The following ASPRV1 variants were observed in gnomAD, a reference collection of about 807,000 sequenced individuals.
The protein encoded by ASPRV1 is retroviral-like aspartic protease 1.
ASPRV1 carries 7 observed loss-of-function variants against 11.0 expected under a neutral mutation model. That is an observed-to-expected ratio of 0.64 (90% CI 0.36 to 1.20). ASPRV1 has a LOEUF of 1.20. Among genes scored for constraint, ASPRV1 ranks in the 50% most tolerant of loss-of-function variants. The pLI is 0.02. For missense variants in ASPRV1, 299 were observed against 320.0 expected (o/e 0.93, Z 0.50); for synonymous variants, 136 against 138.4 (o/e 0.98, Z 0.12).
At chr2:69,998,596 G>A in the ASPRV1 span, among the ~76,000 whole-genome samples, 1 of 152,136 alleles carries the variant, frequency 6.6e-6, no homozygotes, top group Non-Finnish European at 1.5e-5. Flanking sequence ...GGGCACGGTG[G>A]TGGGCGCCTG....
At chr2:70,036,616 TA>T in the ASPRV1 span, among the ~76,000 whole-genome samples, 3 of 152,122 alleles carry the variant, frequency 2.0e-5, no homozygotes, top group African/African-American at 7.2e-5. Flanking sequence ...AGTAATAATC[TA>T]AAACACACAG....
the ASPRV1 span, chr2:70,050,738 C>T: frequency 6.6e-6 from 1 of 152,116 alleles, no homozygotes; most frequent in East Asian, 1.9e-4. Flanking sequence ...GCACTTCAGG[C>T]CAAAGCTCAA....
the ASPRV1 span, among the ~76,000 whole-genome samples, chr2:69,953,698 T>C: frequency 7.2e-6 from 1 of 139,816 alleles, no homozygotes; most frequent in African/African-American, 2.9e-5. Flanking sequence ...TTAATTTTCT[T>C]TTTTTTTCTT....
chr2:69,963,056 C>T, upstream of ASPRV1: 1 of 351,136 alleles, frequency 2.8e-6, no homozygotes, highest in Non-Finnish European at 5.7e-6. Context: ...TCACCCAGTG[C>T]CTGGCGGAAT....
At chr2:70,070,008 A>G in the ASPRV1 span, among the ~76,000 whole-genome samples, 3 of 152,072 alleles carry the variant, frequency 2.0e-5, no homozygotes, top group Non-Finnish European at 4.4e-5. Flanking sequence ...GCGAAACCTC[A>G]TCTCTACTAA....
downstream of ASPRV1, among the ~76,000 whole-genome samples, chr2:69,955,651 T>C (rs190031175): frequency 1.3e-5 from 2 of 152,282 alleles, no homozygotes; most frequent in African/African-American, 4.8e-5. Context: ...TACGATCCTT[T>C]TGTAGCTTGT....
At chr2:70,048,220 C>T in the ASPRV1 span, among the ~76,000 whole-genome samples, 1 of 150,084 alleles carries the variant, frequency 6.7e-6, no homozygotes, top group South Asian at 2.1e-4. Context: ...TCGAGACCAT[C>T]CTGGCTAACA....
chr2:70,040,535 T>C, the ASPRV1 span, among the ~76,000 whole-genome samples: 2 of 152,100 alleles, frequency 1.3e-5, no homozygotes, highest in South Asian at 4.1e-4. Context: ...TATAAGCCAA[T>C]TAATACTTAG....
At chr2:70,067,757 T>G in the ASPRV1 span, among the ~76,000 whole-genome samples, 1 of 152,302 alleles carries the variant, frequency 6.6e-6, no homozygotes, top group African/African-American at 2.4e-5. Flanking sequence ...GCAGGTACAT[T>G]CCAAATCACC....
chr2:69,946,401 C>A, the ASPRV1 span, among the ~76,000 whole-genome samples: 1 of 152,280 alleles, frequency 6.6e-6, no homozygotes, highest in South Asian at 2.1e-4. Context: ...TGACCCCAGG[C>A]AAGTATCTGG....
chr2:70,012,799 T>C, the ASPRV1 span, among the ~76,000 whole-genome samples: 2 of 152,246 alleles, frequency 1.3e-5, no homozygotes, highest in Admixed American at 1.3e-4. Flanking sequence ...AATTACAAGC[T>C]GACTACTTGC....
chr2:70,021,709 CTT>C, the ASPRV1 span, among the ~76,000 whole-genome samples: 2 of 134,812 alleles, frequency 1.5e-5, no homozygotes, highest in Non-Finnish European at 1.6e-5. Flanking sequence ...TAAGAGAATA[CTT>C]TTTTTTTTTT....
At chr2:70,028,044 C>G in the ASPRV1 span, among the ~76,000 whole-genome samples, 56 of 152,250 alleles carry the variant, frequency 3.7e-4, no homozygotes, top group Non-Finnish European at 6.5e-4. Flanking sequence ...TTAAAGGTCC[C>G]TAAGAAAGGT....
chr2:70,077,203 T>A, the ASPRV1 span: 20 of 152,186 alleles, frequency 1.3e-4, no homozygotes, highest in Admixed American at 1.3e-3. Context: ...ATTACTATTA[T>A]TTTTGTTATC....
chr2:70,049,564 TCA>T, the ASPRV1 span: 1 of 152,220 alleles, frequency 6.6e-6, no homozygotes, highest in Admixed American at 6.5e-5. Flanking sequence ...ACCAATATTC[TCA>T]GTCTGGAGTG....
In ASPRV1 at chr2:69,961,228, C is replaced by T. The variant is rs1439794607; in HGVS notation, c.209G>A (p.Ser70Asn). Residue 70 changes from serine to asparagine, a missense_variant, in exon 1 of 1, where the codon AGT becomes AAT. By Grantham distance (46) the Ser-to-Asn change is conservative. Coordinates refer to ENST00000320256, the MANE Select transcript of ASPRV1 (RefSeq NM_152792.4). ...GEALGVYNRL[S>N]PQDQGDYGTV... is the part of the protein sequence containing the mutation. Reference sequence around the variant, plus strand: ...CCCATAGTCTCCCTGGTCCTGGGGACTGAGCCTATTGTAGACACCCAGGGC... The same window carrying T: ...CCCATAGTCTCCCTGGTCCTGGGGATTGAGCCTATTGTAGACACCCAGGGC... 2 of 1,614,088 alleles carry T rather than the reference C, an allele frequency of 1.2e-6. No homozygotes were observed. Among genetic ancestry groups the T allele is most frequent in the Non-Finnish European group, 1.7e-6 (2 of 1,179,980 alleles).
the ASPRV1 span, chr2:70,083,425 A>C: frequency 6.6e-6 from 1 of 152,266 alleles, no homozygotes; most frequent in African/African-American, 2.4e-5. Flanking sequence ...ATACCAACTT[A>C]ACATAAGAGG....
At chr2:70,033,163 C>T in the ASPRV1 span, among the ~76,000 whole-genome samples, 1 of 152,078 alleles carries the variant, frequency 6.6e-6, no homozygotes, top group African/African-American at 2.4e-5. Context: ...CCATTTCTTG[C>T]TGGACTTCTT....
chr2:69,933,124 G>A, the ASPRV1 span, among the ~76,000 whole-genome samples: 1 of 149,952 alleles, frequency 6.7e-6, no homozygotes, highest in East Asian at 2.0e-4. Context: ...TGTTGAGCCT[G>A]GGAGGCAGAG....
Sources: allele counts gnomAD v4.1 joint callset (sites outside exome capture counted in the v4.1 genomes callset), GRCh38; gene constraint gnomAD v4.1.1; transcripts MANE v1.5; gene names NCBI Gene and HGNC (gene_info 2026-07-23, HGNC 2026-07-21).